Variants in SPAG16 observed in about 807,000 individuals in gnomAD.
SPAG16 encodes sperm associated antigen 16, also known as sperm-associated antigen 16 protein.
Under a neutral mutation model 80.4 loss-of-function variants are expected in SPAG16, and 86 were observed. That is an observed-to-expected ratio of 1.07 (90% CI 0.90 to 1.28). The LOEUF is 1.28. Among genes scored for constraint, SPAG16 ranks in the 50% most tolerant of loss-of-function variants. SPAG16 has a pLI of 0.00. For synonymous variants in SPAG16, 294 were observed against 265.9 expected (o/e 1.11, Z -1.03); for missense variants, 870 against 765.3 (o/e 1.14, Z -1.61).
intron 15 of SPAG16, among the ~76,000 whole-genome samples, chr2:214,198,099 T>G (rs868606525): frequency 1.3e-5 from 2 of 152,068 alleles, no homozygotes; most frequent in Admixed American, 6.6e-5. Context: ...GTAATTTTTA[T>G]TTTTATTTCA....
At chr2:213,738,404 C>A (rs986296277) in intron 10 of SPAG16, among the ~76,000 whole-genome samples, 1 of 152,122 alleles carries the variant, frequency 6.6e-6, no homozygotes, top group Non-Finnish European at 1.5e-5. Flanking sequence ...AGAGTGATGA[C>A]TGATAAACCT....
At chr2:213,692,983 T>G (rs1472785790) in intron 10 of SPAG16, among the ~76,000 whole-genome samples, 1 of 152,178 alleles carries the variant, frequency 6.6e-6, no homozygotes, top group Non-Finnish European at 1.5e-5. Flanking sequence ...AATATTCAGA[T>G]AGATTTCTTT....
chr2:214,235,862 C>A (rs1200272382), intron 15 of SPAG16, among the ~76,000 whole-genome samples: 1 of 151,820 alleles, frequency 6.6e-6, no homozygotes, highest in Non-Finnish European at 1.5e-5. Flanking sequence ...CAATATATAC[C>A]CAACTCTATC....
chr2:214,358,247 G>A (rs901503209), intron 15 of SPAG16, among the ~76,000 whole-genome samples: 1 of 151,722 alleles, frequency 6.6e-6, no homozygotes, highest in African/African-American at 2.4e-5. Context: ...TCTCTGATCC[G>A]ACCCTTGCAT....
At chr2:213,624,648 A>G (rs1330619093) in intron 10 of SPAG16, among the ~76,000 whole-genome samples, 1 of 152,202 alleles carries the variant, frequency 6.6e-6, no homozygotes, top group Non-Finnish European at 1.5e-5. Context: ...ATTTGTCTGA[A>G]CCAAGTTTCC....
Position 213,750,680 on chromosome 2 carries a change from C to A in SPAG16, c.1071-111805C>A, listed in dbSNP as rs781535076. Among the ~76,000 whole-genome samples the A allele has an allele frequency of 4.6e-5, 7 of 152,266 alleles. No individual in the cohort carries two copies. In the Middle Eastern group the frequency reaches 0.01, roughly 222 times the overall value. ...GTGCTGCACAGGCTGTTTCCTAGGACCACTTGAAGCTTGAGTTCTGTTCAT... is the reference window on the plus strand; with the variant it reads ...GTGCTGCACAGGCTGTTTCCTAGGAACACTTGAAGCTTGAGTTCTGTTCAT... On this transcript the variant is annotated intron_variant, in intron 10 of 15. Transcript: ENST00000331683.
intron 5 of SPAG16, among the ~76,000 whole-genome samples, chr2:213,320,255 T>C (rs982859318): frequency 4.7e-4 from 71 of 152,156 alleles, no homozygotes; most frequent in African/African-American, 1.7e-3. Flanking sequence ...ATGATAATTG[T>C]ACATGTGATA....
chr2:213,293,426 A>G (rs2062376742), intron 1 of SPAG16, among the ~76,000 whole-genome samples: 1 of 152,216 alleles, frequency 6.6e-6, no homozygotes, highest in Non-Finnish European at 1.5e-5. Flanking sequence ...GATATTGAAG[A>G]AATGATGTGT....
intron 10 of SPAG16, among the ~76,000 whole-genome samples, chr2:213,673,533 G>T (rs953449258): frequency 6.6e-6 from 1 of 152,076 alleles, no homozygotes; most frequent in African/African-American, 2.4e-5. Context: ...GAAGAAGCTT[G>T]GCATATGTCC....
In SPAG16 at chr2:213,364,526, C is replaced by CTT. The variant is rs2066173860; in HGVS notation, c.832+381_832+382insTT. 9 of 155,150 alleles carry CTT rather than the reference C, an allele frequency of 5.8e-5. No homozygotes were observed. In the Middle Eastern group the frequency reaches 1.7e-3, roughly 29 times the overall value. The allele number at this position is 155,150 out of a possible 1,614,324, so 9.6% of individuals were successfully genotyped here. A position where few individuals can be genotyped will look rare whatever the true frequency, so the allele number is the denominator to read the frequency against. On this transcript the variant is annotated intron_variant, in intron 8 of 15. Transcript: ENST00000331683. ...TTTATAAGGTGAGCTCTGCCATCAC[C>CTT]ATGGCTTTGGGTCTGTGGAAAGTTC...
At chr2:214,186,109 T>G (rs1452739266) in intron 15 of SPAG16, among the ~76,000 whole-genome samples, 1 of 152,152 alleles carries the variant, frequency 6.6e-6, no homozygotes, top group African/African-American at 2.4e-5. Context: ...AATGATTCTT[T>G]CAACAAGCAT....
rs546067904 is a variant in SPAG16, at chr2:213,340,235, C to T, written c.609C>T (p.Val203=). 5.6e-5 allele frequency: 90 copies of T among 1,609,828 alleles called. No individual in the cohort carries two copies. In the South Asian group the frequency reaches 9.8e-4, roughly 18 times the overall value. The change falls in exon 6 of 16, where the codon GTC becomes GTT. Residue 203 remains valine, a synonymous_variant. Transcript: ENST00000331683. ...ATCGAATGCATCATAAGCGAATAGT[C>T]CAGGAAAAAAACAAATTAATTAATG... is the stretch of plus-strand genomic sequence containing the variant. ...DFHRMHHKRI[V]QEKNKLINDL... is the part of the protein sequence containing the mutation.
chr2:214,078,501 A>C (rs990851231), intron 13 of SPAG16, among the ~76,000 whole-genome samples: 2 of 148,442 alleles, frequency 1.3e-5, no homozygotes, highest in African/African-American at 5.0e-5. Flanking sequence ...CGCTGAAGTG[A>C]GCCGAGATCA....
intron 11 of SPAG16, among the ~76,000 whole-genome samples, chr2:213,928,943 A>ACACACAC (rs2078624432): frequency 6.9e-6 from 1 of 145,592 alleles, no homozygotes; most frequent in African/African-American, 2.5e-5. Flanking sequence ...ACACACACAC[A>ACACACAC]AAACCAACTA....
chr2:213,492,999 G>C (rs1358119882), intron 10 of SPAG16, among the ~76,000 whole-genome samples: 3 of 152,010 alleles, frequency 2.0e-5, no homozygotes, highest in Non-Finnish European at 4.4e-5. Flanking sequence ...ACGAGACTCA[G>C]ACACCTTGCG....
At chr2:213,334,202 A>G (rs2064239727) in intron 5 of SPAG16, among the ~76,000 whole-genome samples, 1 of 152,224 alleles carries the variant, frequency 6.6e-6, no homozygotes, top group African/African-American at 2.4e-5. Flanking sequence ...CAGGTATATG[A>G]GAAGGTGTTC....
At chr2:213,787,355 C>A (rs16850897) in intron 10 of SPAG16, among the ~76,000 whole-genome samples, 37,583 of 151,956 alleles carry the variant, frequency 0.25, 5,340 homozygotes, top group South Asian at 0.4. Context: ...AATAAATAGA[C>A]CAAGAGCTAC....
chr2:213,839,974 A>G (rs1575314264), intron 10 of SPAG16, among the ~76,000 whole-genome samples: 1 of 152,314 alleles, frequency 6.6e-6, no homozygotes, highest in East Asian at 1.9e-4. Context: ...TTATATTGGC[A>G]TTCTCTGGAA....
chr2:213,996,247 T>A (rs1368029207), intron 12 of SPAG16, among the ~76,000 whole-genome samples: 1 of 152,182 alleles, frequency 6.6e-6, no homozygotes, highest in Non-Finnish European at 1.5e-5. Context: ...ATACTGATAA[T>A]GAAGGAATTA....
Sources: gnomAD v4.1 joint callset for allele counts (sites outside exome capture counted in the v4.1 genomes callset) on GRCh38, gnomAD v4.1.1 for gene constraint, MANE v1.5 for transcripts, NCBI Gene and HGNC (gene_info 2026-07-23, HGNC 2026-07-21) for gene names.